Variants in KLF10 observed in about 807,000 individuals in gnomAD.
KLF10 encodes KLF transcription factor 10.
In KLF10, 17 loss-of-function variants were observed where a neutral mutation model predicts 31.6. The ratio of observed to expected loss-of-function variants is 0.54; its 90% confidence interval spans 0.37 to 0.81. KLF10 has a LOEUF of 0.81. KLF10 is among the 30% of genes least tolerant of loss of function. The probability of loss-of-function intolerance (pLI) is 0.00; values close to 1 mark genes in which losing one functional copy is unlikely to be tolerated. For synonymous variants in KLF10, 239 were observed against 215.1 expected, an observed-to-expected ratio of 1.11 and a Z score of -0.97; for missense variants, 525 against 598.1, an observed-to-expected ratio of 0.88 and a Z score of 1.27.
At chr8:102,655,481 T>G in intron 1 of KLF10, 85 bp downstream of exon 1, 1 of 1,528,280 alleles carries the variant, frequency 6.5e-7, no homozygotes. Flanking sequence ...GCATGGCTGA[T>G]GTCCGGGGCT....
chr8:102,653,062 T>G (rs1275359006), intron 1 of KLF10, among the ~76,000 whole-genome samples: 1 of 152,178 alleles, frequency 6.6e-6, no homozygotes, highest in Non-Finnish European at 1.5e-5. Context: ...CAAGTTAAAA[T>G]TGCATTATTT....
intron 1 of KLF10, chr8:102,654,509 G>T (rs1004884004): frequency 1.3e-5 from 2 of 151,422 alleles, no homozygotes; most frequent in African/African-American, 4.8e-5. Flanking sequence ...GGAGGAGCCA[G>T]GTCCCCGCGG....
chr8:102,653,539 A>T (rs939050871), intron 1 of KLF10: 1 of 1,494,954 alleles, frequency 6.7e-7, no homozygotes. Flanking sequence ...TTGTGTAAAA[A>T]TACCAAAAAA....
Position 102,652,384 on chromosome 8 carries a change from T to G in KLF10, c.50A>C (p.Glu17Ala). The change falls in exon 2 of 4, where the codon GAA (glutamate) becomes GCA (alanine). Residue 17 changes from glutamate (E) to alanine (A), a missense_variant. Physicochemically the swap from Glu to Ala is moderately radical, Grantham distance 107. Around this residue, in one of 3 missense-constraint regions of KLF10, gnomAD observed 434 missense variants for 450.7 expected, o/e 0.96. Transcript: ENST00000285407. ...SLQQTAEERM[E>A]MISERPKESM... is the part of the protein sequence containing the mutation. The stretch of plus-strand genomic sequence containing the variant: ...CTCTTTTGGCCTTTCAGAAATCATT[T>G]CCATTCTTTCCTCCTATAAAAACAA... 3 of 1,572,290 alleles carry G rather than the reference T, an allele frequency of 1.9e-6. No homozygotes were observed. Among genetic ancestry groups the G allele is most frequent in the Non-Finnish European group, 2.6e-6 (3 of 1,152,684 alleles).
chr8:102,655,478 T>C, intron 1 of KLF10, 88 bp downstream of exon 1: 1 of 1,527,128 alleles, frequency 6.5e-7, no homozygotes, highest in South Asian at 1.1e-5. Flanking sequence ...CAGGCATGGC[T>C]GATGTCCGGG....
chr8:102,653,428 AAAGTT>A (rs774720351), intron 1 of KLF10: 44 of 1,502,934 alleles, frequency 2.9e-5, no homozygotes, highest in Non-Finnish European at 2.7e-6. Flanking sequence ...GTTTTATAGT[AAAGTT>A]CTTTGAACTA....
At chr8:102,653,514 T>A in intron 1 of KLF10, 1 of 1,531,124 alleles carries the variant, frequency 6.5e-7, no homozygotes, top group Non-Finnish European at 8.8e-7. Context: ...CAGACTCGTT[T>A]GGTCAAAGTA....
chr8:102,655,250 TC>T (rs934830384), intron 1 of KLF10, among the ~76,000 whole-genome samples: 1 of 144,122 alleles, frequency 6.9e-6, no homozygotes, highest in African/African-American at 2.6e-5. Flanking sequence ...TCCCCACTCC[TC>T]CCCCGCTCGT....
At chr8:102,650,796 C>G (rs1027296316) in intron 3 of KLF10, among the ~76,000 whole-genome samples, 4 of 149,044 alleles carry the variant, frequency 2.7e-5, no homozygotes, top group African/African-American at 9.9e-5. Flanking sequence ...ATTAAAGTAA[C>G]TACTCAGACA....
At chr8:102,650,481 T>C in intron 3 of KLF10, 90 bp from the exon 4 acceptor site, 1 of 1,277,180 alleles carries the variant, frequency 7.8e-7, no homozygotes, top group Non-Finnish European at 1.1e-6. Flanking sequence ...AGAAGATACA[T>C]TTTAAATAAT....
Position 102,650,398 on chromosome 8 carries a change from CA to C in KLF10, c.1184-8del, listed in dbSNP as rs748869883. The C allele has an allele frequency of 1.2e-6, 2 of 1,609,692 alleles. No homozygotes were observed. Among genetic ancestry groups the C allele is most frequent in the Non-Finnish European group, 1.7e-6 (2 of 1,176,650 alleles). On this transcript the variant is annotated splice_region_variant and splice_polypyrimidine_tract_variant and intron_variant, in intron 3 of 3. Transcript: ENST00000285407. ...CAGCTGAAAGGCTTTTCTCCTAAAA[CA>C]AAGACATACAAATCATTATTATGCA...
In KLF10 at chr8:102,655,309, C is replaced by T. The variant is rs377062407; in HGVS notation, c.36+257G>A. On this transcript the variant is annotated intron_variant, in intron 1 of 3. Transcript: ENST00000285407. The stretch of plus-strand genomic sequence containing the variant: ...CTCGGGTCTCCATGCGGAGTTGTCC[C>T]TTCCCCTCAGTACATCTAGAGCAAG... Among the ~76,000 whole-genome samples, 35 of 152,216 alleles carry T rather than the reference C, an allele frequency of 2.3e-4. No homozygotes were observed. The East Asian group carries it at 5.8e-3, about 25-fold the overall frequency.
At chr8:102,654,757 C>T (rs916528772) in intron 1 of KLF10, among the ~76,000 whole-genome samples, 37 of 151,872 alleles carry the variant, frequency 2.4e-4, no homozygotes, top group Admixed American at 3.9e-4. Flanking sequence ...CCGCGTCTCG[C>T]GGCCCAGCTC....
intron 3 of KLF10, 86 bp from the exon 4 acceptor site, chr8:102,650,477 T>C (rs1827179943): frequency 6.1e-6 from 8 of 1,320,168 alleles, no homozygotes; most frequent in Non-Finnish European, 7.3e-6. Context: ...TATGAGAAGA[T>C]ACATTTTAAA....
chr8:102,651,176 G>C lies in KLF10; in HGVS notation c.1156C>G (p.Leu386Val). Residue 386 changes from leucine to valine, a missense_variant, in exon 3 of 4, where the codon CTG becomes GTG. Leu to Val is a conservative substitution (Grantham distance 32, BLOSUM62 1). This residue lies in a region of KLF10 where 49 missense variants were observed against 105.0 expected (regional missense o/e 0.47). Coordinates refer to ENST00000285407, the MANE Select transcript of KLF10 (RefSeq NM_005655.4). ...CGKTYFKSSH[L>V]KAHTRTHTGE... ...GTGTGCGTCCTCGTGTGGGCCTTCA[G>C]ATGGGAACTTTTAAAGTATGTCTTG... The C allele has an allele frequency of 6.6e-7, 1 of 1,512,850 alleles. No homozygotes were observed. The highest frequency in any genetic ancestry group is 1.3e-5 in the South Asian group (1 of 74,686). 93.7% of individuals were successfully genotyped at this position (1,512,850 alleles called of 1,614,324 possible). A position where few individuals can be genotyped will look rare whatever the true frequency, so the allele number is the denominator to read the frequency against.
Position 102,651,316 on chromosome 8 carries a change from G to C in KLF10, c.1016C>G (p.Thr339Ser). The C allele has an allele frequency of 1.2e-6, 2 of 1,601,490 alleles. No individual in the cohort carries two copies. Among genetic ancestry groups the C allele is most frequent in the Non-Finnish European group, 1.7e-6 (2 of 1,174,380 alleles). The change falls in exon 3 of 4, where the codon ACC (threonine) becomes AGC (serine). Residue 339 changes from threonine to serine, a missense_variant. Thr to Ser is a moderately conservative substitution (Grantham distance 58, BLOSUM62 1). This residue lies in a region of KLF10 where 434 missense variants were observed against 450.7 expected (regional missense o/e 0.96). Transcript: ENST00000285407. Reference protein sequence around the residue: ...SKPPVVSPNGTRLSPIAPAPG... With the variant: ...SKPPVVSPNGSRLSPIAPAPG... ...AGCAGGGGCAATGGGAGAGAGTCTGGTGCCATTCGGGCTCACCACCGGAGG... is the reference window on the plus strand; with the variant it reads ...AGCAGGGGCAATGGGAGAGAGTCTGCTGCCATTCGGGCTCACCACCGGAGG...
chr8:102,650,963 A>C (rs542167331), intron 3 of KLF10, among the ~76,000 whole-genome samples, 186 bp downstream of exon 3: 2 of 152,200 alleles, frequency 1.3e-5, no homozygotes, highest in African/African-American at 4.8e-5. Context: ...TTGGTCTCCT[A>C]AAGTGCAAGG....
chr8:102,652,351 TAC>T lies in KLF10; in HGVS notation c.81_82del (p.Met27IlefsTer11), dbSNP rs1480341187. 1 of 1,610,834 alleles carries T rather than the reference TAC, an allele frequency of 6.2e-7. No homozygotes were observed. The highest frequency in any genetic ancestry group is 8.5e-7 in the Non-Finnish European group (1 of 1,177,966). On this transcript the variant is annotated frameshift_variant, in exon 2 of 4. Coordinates refer to ENST00000285407, the MANE Select transcript of KLF10 (RefSeq NM_005655.4). LOFTEE classifies it high-confidence loss of function. ...TTTCTCTGCAGTTTTGTTCCAGGAA[TAC>T]ATACTCTCTTTTGGCCTTTCAGAAA...
chr8:102,655,556 A>G lies in KLF10; in HGVS notation c.36+10T>C, dbSNP rs1024244889. Reference sequence around the variant, plus strand: ...GCGAGGAAGCACAGGGGCATCCCCAAATGACTTACCGCAGTCTGCTGGAGA... The same window carrying G: ...GCGAGGAAGCACAGGGGCATCCCCAGATGACTTACCGCAGTCTGCTGGAGA... On this transcript the variant is annotated intron_variant, in intron 1 of 3. Transcript: ENST00000285407. 1.9e-6 allele frequency: 3 copies of G among 1,613,980 alleles called. No individual in the cohort carries two copies. The highest frequency in any genetic ancestry group is 1.3e-5 in the African/African-American group (1 of 75,042).
Sources: gnomAD v4.1 joint callset for allele counts (sites outside exome capture counted in the v4.1 genomes callset) on GRCh38, gnomAD v4.1.1 for gene constraint, gnomAD v4.1.1 regional missense constraint, MANE v1.5 for transcripts, NCBI Gene and HGNC (gene_info 2026-07-23, HGNC 2026-07-21) for gene names.